The following CLIP2 variants were observed in gnomAD, a reference collection of about 807,000 sequenced individuals.
CLIP2 encodes the protein CAP-Gly domain-containing linker protein 2.
Under a neutral mutation model 111.7 loss-of-function variants are expected in CLIP2, and 41 were observed. That is an observed-to-expected ratio of 0.37 (90% confidence interval 0.29 to 0.48). The LOEUF (loss-of-function observed/expected upper bound fraction) is 0.48, where lower values mean the gene tolerates loss of function less well. CLIP2 is among the 20% of genes least tolerant of loss of function. The probability of loss-of-function intolerance (pLI) is 0.99; values close to 1 mark genes in which losing one functional copy is unlikely to be tolerated. For synonymous variants in CLIP2, 660 were observed against 644.2 expected (o/e 1.02, Z -0.37); for missense variants, 1,160 against 1,422.1 (o/e 0.82, Z 2.96).
intron 13 of CLIP2, among the ~76,000 whole-genome samples, chr7:74,391,636 A>G (rs546309117): frequency 6.6e-6 from 1 of 152,184 alleles, no homozygotes; most frequent in South Asian, 2.1e-4. Flanking sequence ...CCTGGTCAAC[A>G]TGGCGAAACC....
In CLIP2 at chr7:74,338,518, G is replaced by T. The variant is rs565625155; in HGVS notation, c.192G>T (p.Pro64=). 1 of 1,609,602 alleles carries T rather than the reference G, an allele frequency of 6.2e-7. No homozygotes were observed. The highest frequency in any genetic ancestry group is 1.1e-5 in the South Asian group (1 of 90,620). ...SPAAAAAPEK[P]GPKAAEVGDD... ...CCGCAGCTGCTGCCCCCGAGAAGCC[G>T]GGCCCCAAGGCGGCGGAAGTGGGGG... The change falls in exon 3 of 17, where the codon CCG becomes CCT. Residue 64 remains proline (P), a synonymous_variant. Coordinates refer to ENST00000223398, the MANE Select transcript of CLIP2 (RefSeq NM_003388.5). The surrounding 1 kb of genome is among the most constrained non-coding windows in gnomAD (Gnocchi z 4.3).
intron 4 of CLIP2, among the ~76,000 whole-genome samples, chr7:74,355,111 G>T (rs1256833107): frequency 1.3e-5 from 2 of 152,320 alleles, no homozygotes; most frequent in East Asian, 3.9e-4. Context: ...CTGTGGTTGA[G>T]ACGAGGCTGT....
In CLIP2 at chr7:74,346,734, AAAAAAAAAC is replaced by A. The variant is rs1346723123; in HGVS notation, c.679-7141_679-7133del. Among the ~76,000 whole-genome samples, 4 of 61,956 alleles carry A rather than the reference AAAAAAAAAC, an allele frequency of 6.5e-5. 1 individual carries two copies. Among genetic ancestry groups the A allele is most frequent in the Non-Finnish European group, 1.1e-4 (2 of 17,928 alleles). 40.6% of individuals were successfully genotyped at this position (61,956 alleles called of 152,430 possible). A position where few individuals can be genotyped will look rare whatever the true frequency, so the allele number is the denominator to read the frequency against. ...TAAGATTCTCAAAAAAAAAAAAAAA[AAAAAAAAAC>A]AAAACACTGGCCATGCACAGTGGCT... On this transcript the variant is annotated intron_variant, in intron 3 of 16. Coordinates refer to ENST00000223398, the MANE Select transcript of CLIP2 (RefSeq NM_003388.5).
At position 74,338,314 on chromosome 7, in the gene CLIP2, C is replaced by T. The variant is rs1007881089; in HGVS notation, c.122-134C>T. On this transcript the variant is annotated intron_variant, in intron 2 of 16. Transcript: ENST00000223398. The surrounding 1 kb of genome is among the most constrained non-coding windows in gnomAD (Gnocchi z 4.3). ...GTCAGGAGTTCGAGACCAGCCTGGC[C>T]GAGATGGTGAAACCCCATCTCTACC... 15 of 994,020 alleles carry T rather than the reference C, an allele frequency of 1.5e-5. No homozygotes were observed. Among genetic ancestry groups the T allele is most frequent in the African/African-American group, 4.9e-5 (3 of 60,642 alleles). 61.6% of individuals were successfully genotyped at this position (994,020 alleles called of 1,614,324 possible). A position where few individuals can be genotyped will look rare whatever the true frequency, so the allele number is the denominator to read the frequency against.
At chr7:74,309,550 T>C (rs1788586778) in intron 1 of CLIP2, among the ~76,000 whole-genome samples, 1 of 151,882 alleles carries the variant, frequency 6.6e-6, no homozygotes, top group African/African-American at 2.4e-5. Flanking sequence ...TTCTTCTACT[T>C]AGCAAAATGT....
intron 1 of CLIP2, among the ~76,000 whole-genome samples, chr7:74,306,314 G>A (rs1788487062): frequency 6.6e-6 from 1 of 152,182 alleles, no homozygotes; most frequent in Non-Finnish European, 1.5e-5. Context: ...GAGCACCCCA[G>A]CTGCTGGGAC....
chr7:74,355,101 CTG>C (rs1790110820), intron 4 of CLIP2, among the ~76,000 whole-genome samples: 2 of 152,126 alleles, frequency 1.3e-5, no homozygotes, highest in African/African-American at 2.4e-5. Context: ...GTACTGGAGT[CTG>C]TGGTTGAGAC....
chr7:74,374,198 C>G (rs1320597607), intron 9 of CLIP2, among the ~76,000 whole-genome samples: 2 of 152,222 alleles, frequency 1.3e-5, no homozygotes, highest in Non-Finnish European at 2.9e-5. Flanking sequence ...TGGTCAGTTT[C>G]TGCATGTTGG....
At chr7:74,399,367 A>C (rs1221653668) in intron 14 of CLIP2, among the ~76,000 whole-genome samples, 1 of 152,002 alleles carries the variant, frequency 6.6e-6, no homozygotes, top group Non-Finnish European at 1.5e-5. Context: ...ACAAGACCGC[A>C]TCTCTACAAA....
rs1789563244 is a variant in CLIP2 at position 74,338,858 on chromosome 7, C to T, written c.532C>T (p.Pro178Ser). Residue 178 changes from proline (P) to serine (S), a missense_variant, in exon 3 of 17, where the codon CCC becomes TCC. Around this residue, in one of 5 missense-constraint regions of CLIP2, gnomAD observed 301 missense variants for 315.2 expected, o/e 0.96. Coordinates refer to ENST00000223398, the MANE Select transcript of CLIP2 (RefSeq NM_003388.5). The surrounding 1 kb of genome is among the most constrained non-coding windows in gnomAD (Gnocchi z 4.3). ...NLSLHSGTAT[P>S]PLTSRVIPLR... ...GTCATTGCATTCGGGCACGGCCACG[C>T]CCCCGCTGACCAGCCGCGTCATCCC... The T allele has an allele frequency of 1.2e-6, 2 of 1,608,842 alleles. No homozygotes were observed. The highest frequency in any genetic ancestry group is 2.2e-5 in the South Asian group (2 of 91,090).
intron 7 of CLIP2, among the ~76,000 whole-genome samples, chr7:74,360,724 T>C (rs1790303813): frequency 6.6e-6 from 1 of 152,050 alleles, no homozygotes. Context: ...TTAATTTTTG[T>C]ATTTTTTGTA....
intron 3 of CLIP2, among the ~76,000 whole-genome samples, chr7:74,348,553 G>T (rs1554306838): frequency 6.6e-6 from 1 of 152,004 alleles, no homozygotes; most frequent in Non-Finnish European, 1.5e-5. Flanking sequence ...ACTTTGGGAG[G>T]CCGAGGCAGG....
intron 10 of CLIP2, 114 bp from the exon 11 acceptor site, chr7:74,380,692 G>GGTCC: frequency 1.2e-6 from 1 of 805,416 alleles, no homozygotes; most frequent in Non-Finnish European, 2.0e-6. Context: ...CCGTCACTGA[G>GGTCC]GTCCCCCTTT....
rs782171510 is a variant in CLIP2, at chr7:74,404,034, C to T, written c.*186C>T. Reference sequence around the variant, plus strand: ...CCCTCGCCAGACCAGGACGCTTCCTCAAGCCCAGCCTTCTACAGAGAGTGT... The same window carrying T: ...CCCTCGCCAGACCAGGACGCTTCCTTAAGCCCAGCCTTCTACAGAGAGTGT... On this transcript the variant is annotated 3_prime_UTR_variant, in exon 17 of 17. Coordinates refer to ENST00000223398, the MANE Select transcript of CLIP2 (RefSeq NM_003388.5). The T allele has an allele frequency of 1.5e-6, 1 of 662,540 alleles. No individual in the cohort carries two copies. Among genetic ancestry groups the T allele is most frequent in the East Asian group, 2.9e-5 (1 of 34,990 alleles). The allele number at this position is 662,540 out of a possible 1,614,324, so 41.0% of individuals were successfully genotyped here. A position where few individuals can be genotyped will look rare whatever the true frequency, so the allele number is the denominator to read the frequency against.
chr7:74,370,239 G>A (rs1203838971), intron 8 of CLIP2, among the ~76,000 whole-genome samples: 4 of 150,702 alleles, frequency 2.7e-5, no homozygotes, highest in Admixed American at 1.3e-4. Flanking sequence ...GGCGGATCAC[G>A]AGGTCAGGGG....
intron 1 of CLIP2, among the ~76,000 whole-genome samples, chr7:74,300,496 C>A (rs1445540544): frequency 2.0e-5 from 3 of 151,484 alleles, no homozygotes; most frequent in African/African-American, 7.3e-5. Context: ...CGCTCTGTCG[C>A]CCAGGCTGGA....
intron 6 of CLIP2, among the ~76,000 whole-genome samples, chr7:74,359,551 T>C (rs1562708855): frequency 6.6e-6 from 1 of 151,896 alleles, no homozygotes; most frequent in Non-Finnish European, 1.5e-5. Flanking sequence ...GAGATGGGGT[T>C]TCACCATGTT....
In CLIP2 at chr7:74,360,330, AG is replaced by A. The variant is rs555795570; in HGVS notation, c.1319+54del. 1.0e-4 allele frequency: 145 copies of A among 1,394,446 alleles called. No individual in the cohort carries two copies. The African/African-American group carries it at 1.9e-3, about 18-fold the overall frequency. 86.4% of individuals were successfully genotyped at this position (1,394,446 alleles called of 1,614,324 possible). ...GCCCTGAGTCCCCTTAAGGAGGATG[AG>A]GAAGAGGGCAGGCTTGGGAATAGCG... is the stretch of plus-strand genomic sequence containing the variant. On this transcript the variant is annotated intron_variant, in intron 7 of 16. Coordinates refer to ENST00000223398, the MANE Select transcript of CLIP2 (RefSeq NM_003388.5).
chr7:74,296,435 G>A (rs1268481653), intron 1 of CLIP2, among the ~76,000 whole-genome samples: 1 of 151,728 alleles, frequency 6.6e-6, no homozygotes, highest in African/African-American at 2.4e-5. Flanking sequence ...ACTTGAACCT[G>A]GGAGGCAGAG....
Sources: gnomAD v4.1 joint callset for allele counts (sites outside exome capture counted in the v4.1 genomes callset) on GRCh38, gnomAD v4.1.1 for gene constraint, gnomAD v4.1.1 regional missense constraint, Gnocchi (gnomAD v3.1) non-coding constraint, MANE v1.5 for transcripts, NCBI Gene and HGNC (gene_info 2026-07-23, HGNC 2026-07-21) for gene names.